Variants in TMPRSS9 observed in about 807,000 individuals in gnomAD.
TMPRSS9 encodes transmembrane protease serine 9.
A neutral mutation model predicts 111.4 loss-of-function variants in TMPRSS9; 113 were observed. The ratio of observed to expected loss-of-function variants is 1.01; its 90% CI spans 0.87 to 1.19. The LOEUF is 1.19. Among genes scored for constraint, TMPRSS9 ranks in the 50% most tolerant of loss-of-function variants. The pLI, the probability that TMPRSS9 is intolerant of heterozygous loss-of-function variation, is 0.00. For synonymous variants in TMPRSS9, 805 were observed against 659.1 expected (o/e 1.22, Z -3.39); for missense variants, 1,803 against 1,513.1 (o/e 1.19, Z -3.18).
At chr19:2,365,034 T>C (rs1053013131) in intron 1 of TMPRSS9, among the ~76,000 whole-genome samples, 3 of 152,022 alleles carry the variant, frequency 2.0e-5, no homozygotes, top group Non-Finnish European at 4.4e-5. Context: ...CACTCTGTCT[T>C]CCCACCAATA....
At chr19:2,363,438 G>A (rs1324645200) in intron 1 of TMPRSS9, among the ~76,000 whole-genome samples, 2 of 151,736 alleles carry the variant, frequency 1.3e-5, no homozygotes, top group African/African-American at 4.9e-5. Context: ...AGGTGAGGGC[G>A]GAATGAAGGC....
chr19:2,424,198 T>C (rs1489342146), exon 15 of TMPRSS9: 1 of 1,458,866 alleles, frequency 6.9e-7, no homozygotes, highest in South Asian at 1.4e-5. Context: ...GGGAACACCG[T>C]TGCGGGGCCG....
intron 1 of TMPRSS9, among the ~76,000 whole-genome samples, chr19:2,382,482 G>C (rs1484739728): frequency 1.3e-5 from 2 of 152,150 alleles, no homozygotes; most frequent in Non-Finnish European, 2.9e-5. Flanking sequence ...TTGCACAAGA[G>C]AGACATACTT....
chr19:2,400,972 T>A (rs1363480992), intron 4 of TMPRSS9, among the ~76,000 whole-genome samples: 1 of 114,100 alleles, frequency 8.8e-6, no homozygotes, highest in East Asian at 2.8e-4. Flanking sequence ...TGAGACTCTG[T>A]CTTAAAAAAA....
At position 2,398,881 on chromosome 19, in the gene TMPRSS9, T is replaced by A; in HGVS notation, c.338+19T>A. The A allele has an allele frequency of 6.5e-7, 1 of 1,528,530 alleles. No individual in the cohort carries two copies. The highest frequency in any genetic ancestry group is 8.8e-7 in the Non-Finnish European group (1 of 1,142,806). 94.7% of individuals were successfully genotyped at this position (1,528,530 alleles called of 1,614,324 possible). A position where few individuals can be genotyped will look rare whatever the true frequency, so the allele number is the denominator to read the frequency against. On this transcript the variant is annotated intron_variant, in intron 3 of 17. Coordinates refer to ENST00000648592, the Ensembl canonical transcript of TMPRSS9. ...ATTATAGGTGAGTTGGAGCTTCCAT[T>A]GGGTGAAGGAAACTTGGTGGACATC...
chr19:2,401,823 G>C (rs955866006), intron 4 of TMPRSS9, 152 bp from the exon 6 acceptor site: 1 of 390,816 alleles, frequency 2.6e-6, no homozygotes, highest in Non-Finnish European at 4.8e-6. Context: ...GGCCAGGCTG[G>C]TCTGTAACTC....
intron 10 of TMPRSS9, among the ~76,000 whole-genome samples, chr19:2,414,527 C>T (rs1012482107): frequency 2.0e-5 from 3 of 152,090 alleles, no homozygotes; most frequent in Admixed American, 2.0e-4. Context: ...TGTGAGCCAC[C>T]ATGCCCGGTC....
chr19:2,406,041 C>G (rs1305680314), intron 7 of TMPRSS9, among the ~76,000 whole-genome samples: 30 of 129,646 alleles, frequency 2.3e-4, no homozygotes, highest in African/African-American at 7.6e-4. Context: ...GATGGAGTCT[C>G]GCTCTGTCAC....
chr19:2,401,913 G>C, intron 4 of TMPRSS9, 62 bp from the exon 6 acceptor site: 1 of 1,524,344 alleles, frequency 6.6e-7, no homozygotes, highest in East Asian at 2.5e-5. Context: ...CGGCCAATAG[G>C]ATGTGTTCAA....
chr19:2,395,842 C>T (rs1399805344), intron 1 of TMPRSS9, among the ~76,000 whole-genome samples: 2 of 151,968 alleles, frequency 1.3e-5, no homozygotes, highest in Non-Finnish European at 2.9e-5. Context: ...CCCGTCTCTA[C>T]TAAAAATACA....
At chr19:2,370,460 T>C (rs535485241) in intron 1 of TMPRSS9, among the ~76,000 whole-genome samples, 46 of 150,364 alleles carry the variant, frequency 3.1e-4, no homozygotes, top group Non-Finnish European at 6.4e-4. Context: ...GTTGGCCAGA[T>C]GTCCCAGGTT....
intron 1 of TMPRSS9, among the ~76,000 whole-genome samples, chr19:2,380,633 G>C (rs1334242676): frequency 6.8e-6 from 1 of 146,528 alleles, no homozygotes; most frequent in South Asian, 2.2e-4. Context: ...TTCTTCCCCA[G>C]TCAAGCCTCA....
At chr19:2,416,798 A>G (rs45546534) in exon 12 of TMPRSS9, 71,937 of 1,609,270 alleles carry the variant, frequency 0.045, 1,874 homozygotes, top group Non-Finnish European at 0.048. Context: ...GGAAATACGC[A>G]GGAAGGAAAT....
chr19:2,390,392 C>T (rs549496435), intron 1 of TMPRSS9, among the ~76,000 whole-genome samples: 309 of 150,176 alleles, frequency 2.1e-3, no homozygotes, highest in Non-Finnish European at 3.6e-3. Flanking sequence ...TACAGGCGCC[C>T]GCCACCACCC....
At chr19:2,377,987 A>AT (rs1452350177) in intron 1 of TMPRSS9, among the ~76,000 whole-genome samples, 1 of 150,938 alleles carries the variant, frequency 6.6e-6, no homozygotes, top group Non-Finnish European at 1.5e-5. Flanking sequence ...GAACCCTCCC[A>AT]CCTCAGCCTC....
intron 1 of TMPRSS9, among the ~76,000 whole-genome samples, chr19:2,361,124 A>G (rs1259625444): frequency 7.7e-6 from 1 of 129,128 alleles, no homozygotes; most frequent in African/African-American, 3.0e-5. Flanking sequence ...AGGGGCTGAC[A>G]GCTACTGGGA....
intron 1 of TMPRSS9, among the ~76,000 whole-genome samples, chr19:2,393,348 G>T (rs1970639201): frequency 6.6e-6 from 1 of 152,050 alleles, no homozygotes; most frequent in African/African-American, 2.4e-5. Context: ...CAGACACGCT[G>T]CCTTAAGAGC....
At chr19:2,425,406 G>A in exon 17 of TMPRSS9, 1 of 1,571,370 alleles carries the variant, frequency 6.4e-7, no homozygotes, top group Non-Finnish European at 8.6e-7. Flanking sequence ...TCCTCAGCGA[G>A]CAGACCTGCC....
Position 2,415,846 on chromosome 19 carries a change from G to GGCCCGCCTCCTCCAGGAAGGCT in TMPRSS9, c.1745+11_1745+32dup. 1 of 1,571,664 alleles carries GGCCCGCCTCCTCCAGGAAGGCT rather than the reference G, an allele frequency of 6.4e-7. No individual in the cohort carries two copies. The highest frequency in any genetic ancestry group is 8.7e-7 in the Non-Finnish European group (1 of 1,154,506). ...TGCCGCCCACTGCTTCAACCAGTAAGGCCCGCCTCCTCCAGGAAGGCTGCC... is the reference window on the plus strand; with the variant it reads ...TGCCGCCCACTGCTTCAACCAGTAAGGCCCGCCTCCTCCAGGAAGGCTGCCCGCCTCCTCCAGGAAGGCTGCC... On this transcript the variant is annotated splice_donor_region_variant and intron_variant, in intron 11 of 17. Coordinates refer to ENST00000648592, the Ensembl canonical transcript of TMPRSS9.
Sources: allele counts gnomAD v4.1 joint callset (sites outside exome capture counted in the v4.1 genomes callset), GRCh38; gene constraint gnomAD v4.1.1; transcripts MANE v1.5; gene names NCBI Gene and HGNC (gene_info 2026-07-23, HGNC 2026-07-21).